Variants in CEP126 observed in about 807,000 individuals in gnomAD.
CEP126 encodes the protein centrosomal protein of 126 kDa.
Under a neutral mutation model 107.8 loss-of-function variants are expected in CEP126, and 74 were observed. The ratio of observed to expected loss-of-function variants is 0.69; its 90% confidence interval spans 0.57 to 0.83. The LOEUF (loss-of-function observed/expected upper bound fraction) is 0.83. CEP126 is among the 40% of genes least tolerant of loss of function. The probability of loss-of-function intolerance (pLI) is 0.00; values close to 1 mark genes in which losing one functional copy is unlikely to be tolerated. For missense variants in CEP126, 1,237 were observed against 1,281.9 expected, an observed-to-expected ratio of 0.96 and a Z score of 0.53; for synonymous variants, 449 against 446.0, an observed-to-expected ratio of 1.01 and a Z score of -0.08.
intron 10 of CEP126, among the ~76,000 whole-genome samples, chr11:101,997,173 G>A (rs1941451752): frequency 6.6e-6 from 1 of 152,174 alleles, no homozygotes; most frequent in South Asian, 2.1e-4. Flanking sequence ...GAGCAGCTGG[G>A]ATTACAGGCA....
chr11:101,940,966 A>G (rs910889063), intron 2 of CEP126, among the ~76,000 whole-genome samples: 1 of 152,152 alleles, frequency 6.6e-6, no homozygotes, highest in African/African-American at 2.4e-5. Context: ...ATTGGACATT[A>G]TGTTTAGAGA....
In CEP126 at chr11:101,915,344, G is replaced by A. The variant is rs746685985; in HGVS notation, c.60G>A (p.Ser20=). The part of the protein sequence containing the change: ...SAVGELGTES[S]DNLDRAPLGP... The stretch of plus-strand genomic sequence containing the variant: ...TCGGGGAACTGGGCACTGAATCATC[G>A]GACAACCTCGACAGAGCCCCCCTCG... The change falls in exon 1 of 11, where the codon TCG becomes TCA. Residue 20 remains serine, a synonymous_variant. Transcript: ENST00000263468. 3.1e-6 allele frequency: 5 copies of A among 1,613,836 alleles called. No individual in the cohort carries two copies. In the African/African-American group the frequency reaches 5.3e-5, roughly 17 times the overall value.
At chr11:101,941,547 A>T (rs1251052165) in intron 2 of CEP126, among the ~76,000 whole-genome samples, 1 of 152,198 alleles carries the variant, frequency 6.6e-6, no homozygotes, top group African/African-American at 2.4e-5. Context: ...TCATCCATTT[A>T]TGAACAGTTG....
chr11:101,965,515 T>G (rs1424125636), intron 6 of CEP126, among the ~76,000 whole-genome samples: 1 of 152,146 alleles, frequency 6.6e-6, no homozygotes, highest in Non-Finnish European at 1.5e-5. Flanking sequence ...TCTTCATTAC[T>G]TGTCTACAAA....
At chr11:101,991,563 G>C (rs1941382645) in intron 9 of CEP126, among the ~76,000 whole-genome samples, 1 of 152,172 alleles carries the variant, frequency 6.6e-6, no homozygotes, top group Admixed American at 6.5e-5. Context: ...TGCATGAACA[G>C]ATGGAGAATT....
chr11:101,920,465 C>T (rs923401103), intron 1 of CEP126, among the ~76,000 whole-genome samples: 6 of 151,754 alleles, frequency 4.0e-5, no homozygotes, highest in Non-Finnish European at 7.4e-5. Flanking sequence ...TCCATCTTAG[C>T]GTAAAAAGTT....
intron 2 of CEP126, among the ~76,000 whole-genome samples, chr11:101,924,799 C>G (rs1292941210): frequency 6.6e-6 from 1 of 152,020 alleles, no homozygotes; most frequent in African/African-American, 2.4e-5. Context: ...AGACAGTCTC[C>G]TGCCATTTGT....
At chr11:101,977,630 CAAAAAAAAAAA>C (rs952859970) in intron 6 of CEP126, among the ~76,000 whole-genome samples, 3 of 52,632 alleles carry the variant, frequency 5.7e-5, no homozygotes, top group Non-Finnish European at 1.2e-4. Context: ...GACTCTGTCT[CAAAAAAAAAAA>C]AAAAAAAAAG....
chr11:101,993,757 T>TAGAAA (rs1941412134), intron 10 of CEP126, among the ~76,000 whole-genome samples: 1 of 152,230 alleles, frequency 6.6e-6, no homozygotes, highest in African/African-American at 2.4e-5. Context: ...CTAACTGGTG[T>TAGAAA]AAGATGTTAT....
At chr11:101,991,327 C>T (rs1941378941) in intron 9 of CEP126, among the ~76,000 whole-genome samples, 1 of 152,064 alleles carries the variant, frequency 6.6e-6, no homozygotes, top group Non-Finnish European at 1.5e-5. Flanking sequence ...TACTATCTAC[C>T]TCAGTTTCTA....
In CEP126 at chr11:101,950,551, A is replaced by T. The variant is rs148152349; in HGVS notation, c.506+2409A>T. 2.6e-4 allele frequency among the ~76,000 whole-genome samples: 39 copies of T among 152,352 alleles called. No homozygotes were observed. The East Asian group carries it at 4.6e-3, about 18-fold the overall frequency. ...TTTGTTGGTCTTTACAACATAATAC[A>T]CATGTAATACTGTATAATGGGGGTT... On this transcript the variant is annotated intron_variant, in intron 4 of 10. Transcript: ENST00000263468.
intron 8 of CEP126, among the ~76,000 whole-genome samples, chr11:101,984,027 C>CGA (rs1941288237): frequency 1.3e-5 from 2 of 152,318 alleles, no homozygotes; most frequent in Middle Eastern, 3.4e-3. Context: ...TTCTTTTCAT[C>CGA]CTCCAGCTGA....
chr11:101,975,334 C>T (rs778088168), intron 6 of CEP126, among the ~76,000 whole-genome samples: 6 of 152,122 alleles, frequency 3.9e-5, no homozygotes, highest in African/African-American at 1.4e-4. Flanking sequence ...CGGTATCATA[C>T]GTTGTGAGGA....
At chr11:101,985,992 CTTT>C (rs1402873159) in intron 8 of CEP126, among the ~76,000 whole-genome samples, 1 of 98,052 alleles carries the variant, frequency 1.0e-5, no homozygotes. Context: ...GAATTGATTT[CTTT>C]TTTTTTTTTT....
In CEP126 at chr11:101,968,693, A is replaced by C. The variant is rs149841453; in HGVS notation, c.2845+4813A>C. Among the ~76,000 whole-genome samples, 1,082 of 152,278 alleles carry C rather than the reference A, an allele frequency of 7.1e-3. 15 individuals carry two copies. Among genetic ancestry groups the C allele is most frequent in the African/African-American group, 0.025 (1,031 of 41,574 alleles). On this transcript the variant is annotated intron_variant, in intron 6 of 10. Transcript: ENST00000263468. ...TTATGGGCTTTCTCATCTAAAAAGG[A>C]ACAAAGATTGTTAAGGAATAAGCCC...
Position 101,962,123 on chromosome 11 carries a change from C to G in CEP126, c.1088C>G (p.Thr363Ser). 1.2e-6 allele frequency: 2 copies of G among 1,611,918 alleles called. No homozygotes were observed. The highest frequency in any genetic ancestry group is 1.1e-5 in the South Asian group (1 of 90,518). The change falls in exon 6 of 11, where the codon ACT becomes AGT. Residue 363 changes from threonine to serine, a missense_variant. By Grantham distance (58) the Thr-to-Ser change is moderately conservative. Around this residue, in one of 3 missense-constraint regions of CEP126, gnomAD observed 1,134 missense variants for 1,150.5 expected, o/e 0.99. Coordinates refer to ENST00000263468, the MANE Select transcript of CEP126 (RefSeq NM_020802.4). ...GGAACAGTGGAAAGAGCCACAAATA[C>G]TGCTAATAATTCAGTACCCTTTGTA... is the stretch of plus-strand genomic sequence containing the variant. ...LNGTVERATN[T>S]ANNSVPFVSS...
At chr11:101,965,694 G>A (rs990060721) in intron 6 of CEP126, among the ~76,000 whole-genome samples, 7 of 152,122 alleles carry the variant, frequency 4.6e-5, no homozygotes, top group African/African-American at 1.7e-4. Context: ...TTTGTAGCTT[G>A]TACCAGTCAC....
At chr11:101,955,389 T>C (rs1038340860) in intron 4 of CEP126, among the ~76,000 whole-genome samples, 1 of 152,192 alleles carries the variant, frequency 6.6e-6, no homozygotes, top group African/African-American at 2.4e-5. Context: ...ATCTCCAATA[T>C]CCATGTATCT....
At chr11:101,946,024 T>G (rs4357659) in intron 3 of CEP126, among the ~76,000 whole-genome samples, 4,269 of 152,206 alleles carry the variant, frequency 0.028, 192 homozygotes, top group African/African-American at 0.096. Flanking sequence ...CTTACTAAAG[T>G]AAGTAGACTA....
Sources: gnomAD v4.1 joint callset for allele counts (sites outside exome capture counted in the v4.1 genomes callset) on GRCh38, gnomAD v4.1.1 for gene constraint, gnomAD v4.1.1 regional missense constraint, MANE v1.5 for transcripts, NCBI Gene and HGNC (gene_info 2026-07-23, HGNC 2026-07-21) for gene names.